DOCK4: variants seen among roughly 807,000 people sequenced by gnomAD.
DOCK4 encodes the protein dedicator of cytokinesis 4.
Under a neutral mutation model 268.1 loss-of-function variants are expected in DOCK4, and 97 were observed. The observed-to-expected ratio is 0.36, with a 90% CI of 0.31 to 0.43. The LOEUF is 0.43. Among genes scored for constraint, DOCK4 ranks in the 20% least tolerant of loss-of-function variants. The pLI is 1.00. For missense variants in DOCK4, 2,145 were observed against 2,455.7 expected (o/e 0.87, Z 2.67); for synonymous variants, 954 against 887.2 (o/e 1.08, Z -1.34).
chr7:111,957,249 C>A (rs750498726), intron 8 of DOCK4, among the ~76,000 whole-genome samples: 14 of 152,008 alleles, frequency 9.2e-5, no homozygotes, highest in Non-Finnish European at 1.5e-4. Flanking sequence ...AGGGCTGATA[C>A]AGAAACTGGT....
chr7:112,058,044 T>G (rs1436558753), intron 1 of DOCK4, among the ~76,000 whole-genome samples: 8 of 148,244 alleles, frequency 5.4e-5, no homozygotes, highest in East Asian at 1.9e-4. Context: ...TTTTTTTTTT[T>G]TTTTTTACTA....
chr7:112,094,830 A>T (rs1035864), intron 1 of DOCK4, among the ~76,000 whole-genome samples: 28,849 of 151,728 alleles, frequency 0.19, 3,403 homozygotes, highest in East Asian at 0.42. Flanking sequence ...GTCGTTTAAA[A>T]ATGTATGGTA....
At chr7:111,898,152 G>A (rs903636351) in intron 15 of DOCK4, among the ~76,000 whole-genome samples, 1 of 152,058 alleles carries the variant, frequency 6.6e-6, no homozygotes, top group East Asian at 1.9e-4. Context: ...AAAATGCACA[G>A]TCCTCATCAT....
intron 12 of DOCK4, among the ~76,000 whole-genome samples, chr7:111,923,617 C>T (rs1212092963): frequency 7.2e-5 from 11 of 152,268 alleles, no homozygotes; most frequent in African/African-American, 2.6e-4. Flanking sequence ...CTTTATCCTA[C>T]TTAATAACAT....
At chr7:112,083,306 T>C (rs1280958178) in intron 1 of DOCK4, among the ~76,000 whole-genome samples, 1 of 152,092 alleles carries the variant, frequency 6.6e-6, no homozygotes, top group African/African-American at 2.4e-5. Flanking sequence ...TCATCTCCAT[T>C]GGTTTTACAT....
intron 1 of DOCK4, among the ~76,000 whole-genome samples, chr7:112,142,210 C>T (rs1814998414): frequency 6.6e-6 from 1 of 152,134 alleles, no homozygotes; most frequent in Non-Finnish European, 1.5e-5. Context: ...CAGGCAAGGT[C>T]ACATAGCTAG....
intron 16 of DOCK4, among the ~76,000 whole-genome samples, chr7:111,892,897 A>C (rs1808412317): frequency 6.6e-6 from 1 of 152,210 alleles, no homozygotes; most frequent in Non-Finnish European, 1.5e-5. Flanking sequence ...AAGAAATACT[A>C]AATAACCCTA....
At chr7:111,803,728 G>A (rs1417802540) in intron 30 of DOCK4, among the ~76,000 whole-genome samples, 1 of 152,142 alleles carries the variant, frequency 6.6e-6, no homozygotes, top group Non-Finnish European at 1.5e-5. Context: ...AGTTTTGGGG[G>A]AAAATATATG....
At position 111,760,213 on chromosome 7, in the gene DOCK4, G is replaced by T. The variant is rs1797291451; in HGVS notation, c.4130C>A (p.Pro1377His). 3 of 1,613,976 alleles carry T rather than the reference G, an allele frequency of 1.9e-6. No homozygotes were observed. Among genetic ancestry groups the T allele is most frequent in the Non-Finnish European group, 2.5e-6 (3 of 1,179,890 alleles). Residue 1377 changes from proline (P) to histidine (H), a missense_variant, in exon 40 of 53, where the codon CCC becomes CAC. Pro to His is a moderately conservative substitution (Grantham distance 77). Around this residue, in one of 2 missense-constraint regions of DOCK4, gnomAD observed 1,598 missense variants for 1,986.7 expected, o/e 0.80. Transcript: ENST00000428084. ...TTCTGCCTGGAAGATGGTCTCATCG[G>T]GCTGGTTGGCGTGCTGCATGGCGAT... is the stretch of plus-strand genomic sequence containing the variant. ...HAIAMQHANQ[P>H]DETIFQAEAQ...
At chr7:111,991,703 T>G (rs1799539789) in intron 5 of DOCK4, among the ~76,000 whole-genome samples, 1 of 151,946 alleles carries the variant, frequency 6.6e-6, no homozygotes, top group African/African-American at 2.4e-5. Flanking sequence ...GGCTCATGCC[T>G]GTAATCCCAG....
intron 30 of DOCK4, among the ~76,000 whole-genome samples, chr7:111,791,100 A>ATATATATATATATATATAT (rs67130458): frequency 8.0e-6 from 1 of 124,234 alleles, no homozygotes; most frequent in African/African-American, 3.0e-5. Context: ...ATATATATAT[A>ATATATATATATATATATAT]AAATAAATCA....
rs79422293 is a variant in DOCK4, at chr7:111,816,527, G to T, written c.2931-4578C>A. Among the ~76,000 whole-genome samples the T allele has an allele frequency of 1.5e-4, 23 of 152,306 alleles. No homozygotes were observed. The East Asian group carries it at 4.4e-3, about 29-fold the overall frequency. ...CTTACCACTACCTATGGCTTGGGAG[G>T]TTTGCAACCAGGCCCAACCAGGTGA... On this transcript the variant is annotated intron_variant, in intron 27 of 52. Transcript: ENST00000428084.
intron 41 of DOCK4, among the ~76,000 whole-genome samples, chr7:111,756,984 G>T (rs1053019391): frequency 6.6e-5 from 10 of 152,094 alleles, no homozygotes; most frequent in Non-Finnish European, 1.2e-4. Flanking sequence ...GTTCTCAGAG[G>T]GGGTGACGCG....
At chr7:111,808,957 C>A in intron 29 of DOCK4, 78 bp from the exon 30 acceptor site, 1 of 1,478,990 alleles carries the variant, frequency 6.8e-7, no homozygotes, top group Admixed American at 1.9e-5. Flanking sequence ...AGGATACAAT[C>A]TATCATTCTG....
intron 8 of DOCK4, among the ~76,000 whole-genome samples, chr7:111,949,919 A>C (rs1485193259): frequency 6.6e-6 from 1 of 152,108 alleles, no homozygotes; most frequent in East Asian, 1.9e-4. Context: ...ATAATACTGC[A>C]TTCTTTTTTT....
chr7:112,187,215 G>C (rs1024236022), intron 1 of DOCK4, among the ~76,000 whole-genome samples: 6 of 151,754 alleles, frequency 4.0e-5, no homozygotes, highest in Admixed American at 1.3e-4. Context: ...TCTATAACTA[G>C]AAAATTATTA....
chr7:111,863,595 C>A, intron 22 of DOCK4, 31 bp from the exon 23 acceptor site: 5 of 1,546,752 alleles, frequency 3.2e-6, no homozygotes, highest in African/African-American at 1.4e-5. Flanking sequence ...TAAATCAACT[C>A]CCAGATACGC....
chr7:112,068,024 A>T (rs1807247276), intron 1 of DOCK4, among the ~76,000 whole-genome samples: 1 of 128,120 alleles, frequency 7.8e-6, no homozygotes, highest in South Asian at 2.3e-4. Context: ...AGCCAAGAAA[A>T]TTATGCATGT....
At chr7:112,026,718 T>G (rs374881339) in intron 1 of DOCK4, among the ~76,000 whole-genome samples, 2 of 152,244 alleles carry the variant, frequency 1.3e-5, no homozygotes, top group Non-Finnish European at 2.9e-5. Flanking sequence ...GCTTTTGCAC[T>G]ATAATGACAG....
Sources: gnomAD v4.1 joint callset for allele counts (sites outside exome capture counted in the v4.1 genomes callset) on GRCh38, gnomAD v4.1.1 for gene constraint, gnomAD v4.1.1 regional missense constraint, MANE v1.5 for transcripts, NCBI Gene and HGNC (gene_info 2026-07-23, HGNC 2026-07-21) for gene names.